Variants in CHST9 observed in about 807,000 individuals in gnomAD.
The protein encoded by CHST9 is carbohydrate sulfotransferase 9.
CHST9 carries 41 observed loss-of-function variants against 44.4 expected under a neutral mutation model. The observed-to-expected ratio is 0.92, with a 90% CI of 0.72 to 1.20. The LOEUF (loss-of-function observed/expected upper bound fraction) is 1.20. CHST9 is among the 50% of genes most tolerant of loss of function. The pLI is 0.00. For synonymous variants in CHST9, 171 were observed against 178.4 expected (o/e 0.96, Z 0.33); for missense variants, 504 against 516.5 (o/e 0.98, Z 0.23).
At chr18:27,036,021 C>T (rs1323062126) in intron 3 of CHST9, among the ~76,000 whole-genome samples, 1 of 151,930 alleles carries the variant, frequency 6.6e-6, no homozygotes, top group Non-Finnish European at 1.5e-5. Flanking sequence ...AATTATACCT[C>T]AATGAATTTG....
At position 27,090,210 on chromosome 18, in the gene CHST9, T is replaced by C. The variant is rs1418638664; in HGVS notation, c.122-41707A>G. ...TCTGATGGCCAGTGATGATGAGCAT[T>C]TTTTCATGTGTCTGTTGGCTGCATA... is the stretch of plus-strand genomic sequence containing the variant. On this transcript the variant is annotated intron_variant, in intron 2 of 5. Coordinates refer to ENST00000618847, the MANE Select transcript of CHST9 (RefSeq NM_031422.6). Among the ~76,000 whole-genome samples, 3 of 152,204 alleles carry C rather than the reference T, an allele frequency of 2.0e-5. No individual in the cohort carries two copies. The East Asian group carries it at 5.8e-4, about 29-fold the overall frequency.
chr18:27,159,964 C>T (rs1191925666), intron 1 of CHST9, among the ~76,000 whole-genome samples: 1 of 152,114 alleles, frequency 6.6e-6, no homozygotes, highest in Non-Finnish European at 1.5e-5. Flanking sequence ...GATTTTGTAT[C>T]CTGAGATTTT....
chr18:27,064,181 AATAG>A (rs1446720858), intron 2 of CHST9, among the ~76,000 whole-genome samples: 1 of 152,098 alleles, frequency 6.6e-6, no homozygotes, highest in East Asian at 1.9e-4. Context: ...GGCAAGTGAT[AATAG>A]ATAGAGAAAA....
At chr18:27,029,267 T>C (rs76353059) in intron 3 of CHST9, among the ~76,000 whole-genome samples, 2,093 of 152,308 alleles carry the variant, frequency 0.014, 56 homozygotes, top group African/African-American at 0.048. Flanking sequence ...AGTTAACCCA[T>C]GTATTTCTTG....
intron 3 of CHST9, 89 bp from the exon 4 acceptor site, chr18:27,024,246 C>T (rs2057258755): frequency 9.9e-7 from 1 of 1,005,896 alleles, no homozygotes; most frequent in South Asian, 1.6e-5. Context: ...CTCAAAGCCT[C>T]TCATATTTTA....
At chr18:27,055,364 T>TA (rs1424378879) in intron 2 of CHST9, among the ~76,000 whole-genome samples, 2 of 152,180 alleles carry the variant, frequency 1.3e-5, no homozygotes, top group Admixed American at 6.5e-5. Context: ...TGAGAATCTG[T>TA]AGTGCTTCTA....
chr18:26,983,062 G>T (rs2056712041), intron 4 of CHST9, among the ~76,000 whole-genome samples: 1 of 152,106 alleles, frequency 6.6e-6, no homozygotes, highest in Non-Finnish European at 1.5e-5. Context: ...TATTAGCCGG[G>T]CTAAGAATCA....
chr18:27,088,458 G>A (rs1210173295), intron 2 of CHST9, among the ~76,000 whole-genome samples: 6 of 150,652 alleles, frequency 4.0e-5, no homozygotes, highest in South Asian at 2.1e-4. Flanking sequence ...GCAGTGGCGC[G>A]ATCTCGGCTC....
At chr18:27,098,095 A>T (rs1433715700) in intron 2 of CHST9, among the ~76,000 whole-genome samples, 1 of 152,064 alleles carries the variant, frequency 6.6e-6, no homozygotes, top group Non-Finnish European at 1.5e-5. Flanking sequence ...ATCTACATGG[A>T]ACTTAAACAA....
At chr18:27,013,694 TTG>T (rs2057113027) in intron 4 of CHST9, among the ~76,000 whole-genome samples, 1 of 152,220 alleles carries the variant, frequency 6.6e-6, no homozygotes, top group South Asian at 2.1e-4. Flanking sequence ...GCAGCAGGTG[TTG>T]TTTTGTATTT....
At chr18:27,042,799 C>T (rs1262926899) in intron 3 of CHST9, among the ~76,000 whole-genome samples, 4 of 149,880 alleles carry the variant, frequency 2.7e-5, no homozygotes, top group Admixed American at 6.7e-5. Context: ...CCCTCCCTCC[C>T]TCTCTCTCTC....
intron 4 of CHST9, among the ~76,000 whole-genome samples, chr18:26,984,450 G>A (rs1039005637): frequency 6.6e-6 from 1 of 152,058 alleles, no homozygotes; most frequent in South Asian, 2.1e-4. Flanking sequence ...CATAAACTTG[G>A]AGTAGGCAAC....
intron 5 of CHST9, among the ~76,000 whole-genome samples, chr18:26,925,088 T>C (rs1219032963): frequency 6.6e-6 from 1 of 151,786 alleles, no homozygotes; most frequent in African/African-American, 2.4e-5. Flanking sequence ...AAGTTATACT[T>C]ATGGGAGGTA....
At chr18:26,962,293 C>CT (rs71171604) in intron 4 of CHST9, among the ~76,000 whole-genome samples, 50,667 of 140,568 alleles carry the variant, frequency 0.36, 9,676 homozygotes, top group East Asian at 0.48. Flanking sequence ...TTATAGTCTC[C>CT]TTTTTTTTTT....
At chr18:27,164,046 T>G (rs1332680666) in intron 1 of CHST9, among the ~76,000 whole-genome samples, 2 of 151,972 alleles carry the variant, frequency 1.3e-5, no homozygotes, top group African/African-American at 4.8e-5. Flanking sequence ...GAAATGAAAG[T>G]TTTTTCATAG....
intron 4 of CHST9, among the ~76,000 whole-genome samples, chr18:27,000,946 G>T (rs576817839): frequency 6.6e-6 from 1 of 152,046 alleles, no homozygotes; most frequent in East Asian, 1.9e-4. Flanking sequence ...TAGAACAAAC[G>T]GAAGTTCTAA....
In CHST9 at chr18:26,916,462, C is replaced by T. The variant is rs554096058; in HGVS notation, c.1129G>A (p.Ala377Thr). Residue 377 changes from alanine to threonine, a missense_variant, in exon 6 of 6, where the codon GCC (alanine) becomes ACC (threonine). Transcript: ENST00000618847. Reference protein sequence around the residue: ...VGKFETLEEDANYFLQMIGAP... With the variant: ...VGKFETLEEDTNYFLQMIGAP... ...CCGATCATCTGTAAAAAGTAATTGG[C>T]ATCTTCTTCCAAAGTCTCAAATTTC... 2 of 1,613,688 alleles carry T rather than the reference C, an allele frequency of 1.2e-6. No homozygotes were observed. Among genetic ancestry groups the T allele is most frequent in the South Asian group, 2.2e-5 (2 of 91,070 alleles).
At chr18:27,118,001 CCCA>C (rs1458435011) in intron 2 of CHST9, among the ~76,000 whole-genome samples, 6 of 152,160 alleles carry the variant, frequency 3.9e-5, no homozygotes, top group African/African-American at 1.4e-4. Flanking sequence ...ATTTTGTATT[CCCA>C]CCAATAACGA....
intron 5 of CHST9, among the ~76,000 whole-genome samples, chr18:26,918,810 A>T (rs1365973101): frequency 2.0e-5 from 3 of 152,092 alleles, no homozygotes; most frequent in African/African-American, 7.2e-5. Flanking sequence ...GGACTGTGTG[A>T]ATAACCCCCT....
Sources: allele counts gnomAD v4.1 joint callset (sites outside exome capture counted in the v4.1 genomes callset), GRCh38; gene constraint gnomAD v4.1.1; transcripts MANE v1.5; gene names NCBI Gene and HGNC (gene_info 2026-07-23, HGNC 2026-07-21).